CTNNA3: variants seen among roughly 807,000 people sequenced by gnomAD.
CTNNA3 encodes the protein catenin alpha 3.
Under a neutral mutation model 95.7 loss-of-function variants are expected in CTNNA3, and 76 were observed. That is an observed-to-expected ratio of 0.79 (90% confidence interval 0.66 to 0.96). The LOEUF (loss-of-function observed/expected upper bound fraction) is 0.96, where lower values mean the gene tolerates loss of function less well. CTNNA3 is among the 40% of genes least tolerant of loss of function. The pLI is 0.00. For missense variants in CTNNA3, 1,191 were observed against 1,089.8 expected (o/e 1.09, Z -1.31); for synonymous variants, 431 against 374.4 (o/e 1.15, Z -1.74).
intron 10 of CTNNA3, among the ~76,000 whole-genome samples, chr10:66,595,422 C>A (rs1279256340): frequency 6.6e-6 from 1 of 152,050 alleles, no homozygotes; most frequent in Non-Finnish European, 1.5e-5. Flanking sequence ...TGGCTCACTG[C>A]AGCCTCTACC....
intron 1 of CTNNA3, among the ~76,000 whole-genome samples, chr10:67,727,211 G>T (rs1841239879): frequency 8.0e-6 from 1 of 124,234 alleles, no homozygotes; most frequent in Admixed American, 9.7e-5. Flanking sequence ...ATACCTATAT[G>T]TATATATGTA....
chr10:66,999,047 TAAAGA>T (rs1851530956), intron 7 of CTNNA3, among the ~76,000 whole-genome samples: 1 of 152,104 alleles, frequency 6.6e-6, no homozygotes, highest in African/African-American at 2.4e-5. Flanking sequence ...ATTTTAGTTA[TAAAGA>T]AAACGGAAGA....
chr10:67,492,097 T>A (rs1848667732), intron 5 of CTNNA3, among the ~76,000 whole-genome samples: 1 of 152,010 alleles, frequency 6.6e-6, no homozygotes. Flanking sequence ...GTATATGATT[T>A]TACTCTATAG....
At chr10:66,772,067 A>C (rs1240499582) in intron 8 of CTNNA3, among the ~76,000 whole-genome samples, 1 of 152,076 alleles carries the variant, frequency 6.6e-6, no homozygotes, top group African/African-American at 2.4e-5. Flanking sequence ...CAAAGATGCA[A>C]GTGTATTTGA....
intron 10 of CTNNA3, among the ~76,000 whole-genome samples, chr10:66,563,673 C>T (rs547668410): frequency 3.3e-5 from 5 of 151,942 alleles, no homozygotes; most frequent in African/African-American, 4.8e-5. Context: ...CTACATACCC[C>T]CCTCACAATT....
intron 2 of CTNNA3, among the ~76,000 whole-genome samples, chr10:67,623,378 T>C (rs1843912931): frequency 1.3e-5 from 2 of 152,292 alleles, no homozygotes; most frequent in East Asian, 1.9e-4. Context: ...AGGCATCTCT[T>C]TGCATAAATT....
chr10:66,696,148 C>A (rs528862414), intron 9 of CTNNA3, among the ~76,000 whole-genome samples: 2 of 152,110 alleles, frequency 1.3e-5, no homozygotes, highest in Non-Finnish European at 2.9e-5. Context: ...ATATAAATCA[C>A]ACTTTTAGCA....
At chr10:67,063,909 A>C (rs1051129796) in intron 7 of CTNNA3, among the ~76,000 whole-genome samples, 6 of 152,178 alleles carry the variant, frequency 3.9e-5, no homozygotes, top group Non-Finnish European at 5.9e-5. Context: ...AACTGATTTG[A>C]TATGTTTATG....
intron 11 of CTNNA3, among the ~76,000 whole-genome samples, chr10:66,384,917 G>C (rs1013396041): frequency 6.6e-6 from 1 of 152,172 alleles, no homozygotes; most frequent in Non-Finnish European, 1.5e-5. Flanking sequence ...CAACATACCA[G>C]AATCTCTGGG....
At chr10:66,172,822 A>T (rs1003592347) in intron 13 of CTNNA3, among the ~76,000 whole-genome samples, 1 of 152,182 alleles carries the variant, frequency 6.6e-6, no homozygotes, top group African/African-American at 2.4e-5. Flanking sequence ...TTTTAATTAG[A>T]TGACTTGTTC....
chr10:67,516,881 T>C (rs1374678773), intron 5 of CTNNA3, among the ~76,000 whole-genome samples: 2 of 152,224 alleles, frequency 1.3e-5, no homozygotes, highest in African/African-American at 4.8e-5. Flanking sequence ...TGGATTACTT[T>C]GCTTAGCAAA....
rs578196231 is a variant in CTNNA3, at chr10:66,809,945, C to T, written c.1048-34421G>A. On this transcript the variant is annotated intron_variant, in intron 7 of 17. Transcript: ENST00000433211. The stretch of plus-strand genomic sequence containing the variant: ...TCAGCCTCATGAGTAGCTGGGATTA[C>T]AGGCAACTGCTACCATGCCCGGCTA... 7.9e-5 allele frequency among the ~76,000 whole-genome samples: 12 copies of T among 152,058 alleles called. No homozygotes were observed. The East Asian group carries it at 2.3e-3, about 29-fold the overall frequency.
chr10:67,118,533 A>C (rs995505265), intron 7 of CTNNA3, among the ~76,000 whole-genome samples: 4 of 151,972 alleles, frequency 2.6e-5, no homozygotes, highest in Non-Finnish European at 4.4e-5. Context: ...ATGGCATAAC[A>C]CTATTCAATA....
chr10:66,853,857 T>A (rs1843589844), intron 7 of CTNNA3, among the ~76,000 whole-genome samples: 1 of 152,126 alleles, frequency 6.6e-6, no homozygotes, highest in Admixed American at 6.6e-5. Flanking sequence ...GTATGCTACA[T>A]GCATTAGTGT....
intron 7 of CTNNA3, among the ~76,000 whole-genome samples, chr10:66,828,492 G>A (rs994748664): frequency 4.0e-4 from 61 of 152,168 alleles, no homozygotes; most frequent in African/African-American, 1.4e-3. Context: ...TTGAAAAGCA[G>A]AAACCATTCT....
At chr10:66,365,690 T>C (rs1450001482) in intron 12 of CTNNA3, among the ~76,000 whole-genome samples, 1 of 151,940 alleles carries the variant, frequency 6.6e-6, no homozygotes, top group African/African-American at 2.4e-5. Context: ...ACAAACTGAA[T>C]ACAGCAAAAG....
chr10:66,737,708 C>G (rs886910764), intron 9 of CTNNA3, among the ~76,000 whole-genome samples: 3 of 151,076 alleles, frequency 2.0e-5, no homozygotes, highest in African/African-American at 7.3e-5. Context: ...TCACCAGGCT[C>G]GAGTGCACTG....
rs1841305519 is a variant in CTNNA3 at position 66,527,359 on chromosome 10, C to T, written c.1375-6586G>A. 3.3e-5 allele frequency among the ~76,000 whole-genome samples: 5 copies of T among 152,050 alleles called. No homozygotes were observed. In the South Asian group the frequency reaches 1.0e-3, roughly 32 times the overall value. On this transcript the variant is annotated intron_variant, in intron 10 of 17. Coordinates refer to ENST00000433211, the MANE Select transcript of CTNNA3 (RefSeq NM_013266.4). ...AAAGTGTGAGGCCTCCAAATTTGTT[C>T]TTATTTTTCAAGATTATTTTGGCTA...
intron 7 of CTNNA3, among the ~76,000 whole-genome samples, chr10:66,938,276 A>G (rs1847822811): frequency 6.6e-6 from 1 of 152,136 alleles, no homozygotes; most frequent in Non-Finnish European, 1.5e-5. Flanking sequence ...GTGAGGGTCA[A>G]GAGAACAAAC....
Sources: allele counts gnomAD v4.1 joint callset (sites outside exome capture counted in the v4.1 genomes callset), GRCh38; gene constraint gnomAD v4.1.1; transcripts MANE v1.5; gene names NCBI Gene and HGNC (gene_info 2026-07-23, HGNC 2026-07-21).